Variants in FLT1 observed in about 807,000 individuals in gnomAD.
FLT1 encodes the protein fms related receptor tyrosine kinase 1, also known as vascular endothelial growth factor receptor 1.
FLT1 carries 49 observed loss-of-function variants against 156.3 expected under a neutral mutation model. The observed-to-expected ratio is 0.31, with a 90% CI of 0.25 to 0.40. The LOEUF is 0.40. Ranked by LOEUF, FLT1 falls within the 10% of genes least tolerant of loss-of-function variation. The probability of loss-of-function intolerance (pLI) is 1.00; values close to 1 mark genes in which losing one functional copy is unlikely to be tolerated. For missense variants in FLT1, 1,322 were observed against 1,637.2 expected, an observed-to-expected ratio of 0.81 and a Z score of 3.32; for synonymous variants, 594 against 583.8, an observed-to-expected ratio of 1.02 and a Z score of -0.25.
intron 14 of FLT1, among the ~76,000 whole-genome samples, chr13:28,379,888 T>G (rs1276658339): frequency 6.6e-6 from 1 of 152,148 alleles, no homozygotes; most frequent in African/African-American, 2.4e-5. Context: ...CAAGTAGGCA[T>G]TTTATAGGCG....
chr13:28,420,324 T>C (rs1326282395), intron 10 of FLT1, among the ~76,000 whole-genome samples: 1 of 152,220 alleles, frequency 6.6e-6, no homozygotes, highest in Non-Finnish European at 1.5e-5. Context: ...GCTAAAGTGG[T>C]CTTTGGTCAA....
At chr13:28,467,369 T>C (rs2137623365) in intron 2 of FLT1, 152 bp downstream of exon 2, 1 of 685,396 alleles carries the variant, frequency 1.5e-6, no homozygotes, top group Non-Finnish European at 2.6e-6. Flanking sequence ...CCCTTCCCCA[T>C]GAATCCCCTT....
chr13:28,343,336 T>C (rs1872420429), intron 16 of FLT1, among the ~76,000 whole-genome samples: 2 of 151,868 alleles, frequency 1.3e-5, no homozygotes, highest in South Asian at 4.2e-4. Flanking sequence ...GTTTCACTCT[T>C]GTTGCCCAGA....
chr13:28,349,453 C>CAT (rs894725294), intron 15 of FLT1, among the ~76,000 whole-genome samples: 5 of 150,034 alleles, frequency 3.3e-5, no homozygotes, highest in Non-Finnish European at 4.5e-5. Context: ...CACACACACA[C>CAT]ACACACATGC....
chr13:28,481,004 T>C (rs538241893), intron 1 of FLT1, among the ~76,000 whole-genome samples: 1 of 152,322 alleles, frequency 6.6e-6, no homozygotes. Flanking sequence ...ACCTAGCCAG[T>C]ACCACACATG....
At chr13:28,396,729 G>C in intron 12 of FLT1, 1 of 643,114 alleles carries the variant, frequency 1.6e-6, no homozygotes, top group South Asian at 1.6e-5. Context: ...ATCCAGTCTG[G>C]GAGGGAGACA....
At chr13:28,321,790 T>C (rs148149416) in intron 22 of FLT1, among the ~76,000 whole-genome samples, 2 of 152,374 alleles carry the variant, frequency 1.3e-5, no homozygotes, top group Non-Finnish European at 2.9e-5. Flanking sequence ...AGAAATGGTC[T>C]GAATCCACTG....
intron 3 of FLT1, among the ~76,000 whole-genome samples, chr13:28,447,952 T>G (rs1208600916): frequency 6.6e-6 from 1 of 151,858 alleles, no homozygotes; most frequent in African/African-American, 2.4e-5. Flanking sequence ...GGGAAAAGGA[T>G]CTGAACTGAC....
chr13:28,307,276 C>T (rs187924553), intron 28 of FLT1, among the ~76,000 whole-genome samples: 1 of 152,294 alleles, frequency 6.6e-6, no homozygotes, highest in Non-Finnish European at 1.5e-5. Context: ...TTTCTTTTGG[C>T]AGTGAGTTGC....
At chr13:28,381,581 C>T (rs1013093869) in intron 14 of FLT1, among the ~76,000 whole-genome samples, 5 of 151,958 alleles carry the variant, frequency 3.3e-5, no homozygotes, top group African/African-American at 1.2e-4. Flanking sequence ...ACAAACAAAA[C>T]AAAAACAAAA....
rs775403042 is a variant in FLT1, at chr13:28,430,119, G to C, written c.1037C>G (p.Thr346Ser). 28 of 1,613,836 alleles carry C rather than the reference G, an allele frequency of 1.7e-5. No individual in the cohort carries two copies. The South Asian group carries it at 2.6e-4, about 15-fold the overall frequency. The change falls in exon 8 of 30, where the codon ACC becomes AGC. Residue 346 changes from threonine to serine, a missense_variant. Around this residue, in one of 3 missense-constraint regions of FLT1, gnomAD observed 991 missense variants for 1,254.8 expected, o/e 0.79. Coordinates refer to ENST00000282397, the MANE Select transcript of FLT1 (RefSeq NM_002019.4). The stretch of plus-strand genomic sequence containing the variant: ...CCGGTAAGACCGCTTGCCAGCTACG[G>C]TTTCAAGCACCTGCTGTTTTCGATG... ...VKHRKQQVLE[T>S]VAGKRSYRLS...
At chr13:28,383,581 T>C (rs1490689838) in intron 14 of FLT1, among the ~76,000 whole-genome samples, 1 of 151,962 alleles carries the variant, frequency 6.6e-6, no homozygotes, top group Non-Finnish European at 1.5e-5. Context: ...GAGAATGGCG[T>C]GACCTGGGTG....
At chr13:28,491,869 G>C (rs563379274) in intron 1 of FLT1, among the ~76,000 whole-genome samples, 2 of 152,172 alleles carry the variant, frequency 1.3e-5, no homozygotes, top group Non-Finnish European at 2.9e-5. Flanking sequence ...CTTGGTGATC[G>C]TTAGAAAAGA....
chr13:28,311,895 C>G, intron 26 of FLT1, 98 bp downstream of exon 26: 1 of 1,074,346 alleles, frequency 9.3e-7, no homozygotes, highest in Admixed American at 1.8e-5. Flanking sequence ...AACTTCTGAT[C>G]TCAGCTATTA....
At chr13:28,490,690 T>A (rs17553585) in intron 1 of FLT1, among the ~76,000 whole-genome samples, 9,548 of 152,282 alleles carry the variant, frequency 0.063, 426 homozygotes, top group South Asian at 0.15. Context: ...TGTTCGGTTC[T>A]ACCAAATTGC....
At chr13:28,369,123 A>C (rs1873436368) in intron 14 of FLT1, among the ~76,000 whole-genome samples, 1 of 152,190 alleles carries the variant, frequency 6.6e-6, no homozygotes, top group South Asian at 2.1e-4. Context: ...TGTCAGATTG[A>C]CTTTCCACAA....
intron 6 of FLT1, among the ~76,000 whole-genome samples, chr13:28,432,456 C>G (rs894561145): frequency 6.6e-6 from 1 of 152,202 alleles, no homozygotes; most frequent in African/African-American, 2.4e-5. Flanking sequence ...TCTATTTATA[C>G]AGGTACTACT....
Position 28,494,846 on chromosome 13 carries a change from T to TGA in FLT1, c.-5_-4dup. 1 of 1,554,740 alleles carries TGA rather than the reference T, an allele frequency of 6.4e-7. No individual in the cohort carries two copies. The highest frequency in any genetic ancestry group is 2.5e-5 in the East Asian group (1 of 40,606). On this transcript the variant is annotated 5_prime_UTR_variant, in exon 1 of 30. Coordinates refer to ENST00000282397, the MANE Select transcript of FLT1 (RefSeq NM_002019.4). ...CCGGTGTCCCAGTAGCTGACCATGG[T>TGA]GAGCGCGACGCGGCCTGCTCGCCCG...
intron 13 of FLT1, chr13:28,385,857 A>T: frequency 9.5e-7 from 1 of 1,049,478 alleles, no homozygotes. Context: ...CAATGAGTAC[A>T]GTATATCTCT....
Sources: gnomAD v4.1 joint callset for allele counts (sites outside exome capture counted in the v4.1 genomes callset) on GRCh38, gnomAD v4.1.1 for gene constraint, gnomAD v4.1.1 regional missense constraint, MANE v1.5 for transcripts, NCBI Gene and HGNC (gene_info 2026-07-23, HGNC 2026-07-21) for gene names.